The following CCDC102B variants were observed in gnomAD, a reference collection of about 807,000 sequenced individuals.
CCDC102B encodes the protein coiled-coil domain containing 102B, also known as coiled-coil domain-containing protein 102B.
A neutral mutation model predicts 57.4 loss-of-function variants in CCDC102B; 75 were observed. The ratio of observed to expected loss-of-function variants is 1.31; its 90% confidence interval spans 1.08 to 1.58. CCDC102B has a LOEUF of 1.58. CCDC102B is among the 40% of genes most tolerant of loss of function. The pLI, the probability that CCDC102B is intolerant of heterozygous loss-of-function variation, is 0.00. For missense variants in CCDC102B, 636 were observed against 582.6 expected, an observed-to-expected ratio of 1.09 and a Z score of -0.94; for synonymous variants, 206 against 201.9, an observed-to-expected ratio of 1.02 and a Z score of -0.17.
intron 1 of CCDC102B, among the ~76,000 whole-genome samples, chr18:68,819,814 C>A (rs1254176648): frequency 6.6e-6 from 1 of 151,826 alleles, no homozygotes; most frequent in Non-Finnish European, 1.5e-5. Context: ...TCCCTAGCTA[C>A]CTAATGCATA....
chr18:68,806,449 G>A (rs1223440572), intron 1 of CCDC102B, among the ~76,000 whole-genome samples: 1 of 151,938 alleles, frequency 6.6e-6, no homozygotes, highest in African/African-American at 2.4e-5. Flanking sequence ...ATTATCAGTA[G>A]AATATGTTTT....
intron 7 of CCDC102B, among the ~76,000 whole-genome samples, chr18:69,016,044 T>TTC (rs1280125411): frequency 5.9e-5 from 7 of 118,250 alleles, no homozygotes; most frequent in African/African-American, 2.2e-4. Flanking sequence ...TTTTTTTTTT[T>TTC]AGTAGAGACG....
At chr18:68,774,148 CTT>C (rs1299961940) in intron 2 of CCDC102B, among the ~76,000 whole-genome samples, 1 of 151,814 alleles carries the variant, frequency 6.6e-6, no homozygotes, top group Non-Finnish European at 1.5e-5. Context: ...CCTTTTTAAT[CTT>C]AGTATCTTTC....
chr18:68,894,961 A>G (rs950062158), intron 5 of CCDC102B, among the ~76,000 whole-genome samples: 2 of 151,934 alleles, frequency 1.3e-5, no homozygotes, highest in Non-Finnish European at 1.5e-5. Flanking sequence ...GAATACTGCA[A>G]GTTCACAAAG....
exon 1 of CCDC102B, chr18:68,715,247 C>T (rs2031867843): frequency 2.2e-6 from 3 of 1,342,082 alleles, no homozygotes; most frequent in Non-Finnish European, 2.9e-6. Context: ...TGCCCCCCTC[C>T]ACGCCCAGGA....
intron 6 of CCDC102B, among the ~76,000 whole-genome samples, chr18:68,980,788 G>T (rs2050558739): frequency 1.3e-5 from 2 of 152,002 alleles, no homozygotes; most frequent in Non-Finnish European, 2.9e-5. Context: ...AGTGAGACAG[G>T]CATGGGAGAG....
chr18:68,801,228 T>C (rs908729194), intron 1 of CCDC102B, among the ~76,000 whole-genome samples: 4 of 152,146 alleles, frequency 2.6e-5, no homozygotes, highest in African/African-American at 9.7e-5. Context: ...TAAGAATATA[T>C]TCTATAGAAG....
At position 68,930,079 on chromosome 18, in the gene CCDC102B, A is replaced by G. The variant is rs561669914; in HGVS notation, c.1263+32651A>G. ...TTTCCTAGGACTAAGTTTGATAATT[A>G]TACGCACCTTGCTGGGAAGATCTAC... On this transcript the variant is annotated intron_variant, in intron 6 of 7. Transcript: ENST00000360242. Among the ~76,000 whole-genome samples, 312 of 151,690 alleles carry G rather than the reference A, an allele frequency of 2.1e-3. 2 individuals carry two copies. Among genetic ancestry groups the G allele is most frequent in the African/African-American group, 7.3e-3 (303 of 41,474 alleles).
Position 68,791,728 on chromosome 18 carries a change from A to T in CCDC102B, c.-66-31638A>T, listed in dbSNP as rs62100038. Among the ~76,000 whole-genome samples the T allele has an allele frequency of 9.7e-3, 1,481 of 151,958 alleles. 11 individuals are homozygous for T. Among genetic ancestry groups the T allele is most frequent in the Non-Finnish European group, 0.014 (961 of 67,974 alleles). Reference sequence around the variant, plus strand: ...AGTCTAATTTCCTGACTATATATATATTTTCTCTCATATATTCATATATAT... The same window carrying T: ...AGTCTAATTTCCTGACTATATATATTTTTTCTCTCATATATTCATATATAT... On this transcript the variant is annotated intron_variant, in intron 2 of 3. Coordinates refer to the CCDC102B transcript ENST00000578970.
In CCDC102B at chr18:69,022,193, C is replaced by CTATATA. The variant is rs57226048; in HGVS notation, c.1434+11114_1434+11119dup. On this transcript the variant is annotated intron_variant, in intron 7 of 7. Coordinates refer to ENST00000360242, the MANE Select transcript of CCDC102B (RefSeq NM_024781.3). ...TTTATTAGACCCATTATCCTTTAGC[C>CTATATA]TATATATATATATATATATATATAT... Among the ~76,000 whole-genome samples the CTATATA allele has an allele frequency of 1.8e-3, 253 of 142,040 alleles. 2 individuals are homozygous for CTATATA. Among genetic ancestry groups the CTATATA allele is most frequent in the African/African-American group, 7.1e-3 (247 of 34,968 alleles). The allele number at this position is 142,040 out of a possible 152,430, so 93.2% of individuals were successfully genotyped here.
intron 6 of CCDC102B, among the ~76,000 whole-genome samples, chr18:68,953,016 G>GACACA (rs1391404991): frequency 6.6e-6 from 1 of 152,036 alleles, no homozygotes; most frequent in Non-Finnish European, 1.5e-5. Flanking sequence ...TTATGATATA[G>GACACA]ACACACAGTG....
At chr18:69,014,055 CA>C (rs1296418995) in intron 7 of CCDC102B, among the ~76,000 whole-genome samples, 1 of 152,048 alleles carries the variant, frequency 6.6e-6, no homozygotes, top group Non-Finnish European at 1.5e-5. Context: ...ATCTTCTATT[CA>C]AGGTAACTGT....
intron 6 of CCDC102B, among the ~76,000 whole-genome samples, chr18:68,977,786 T>A (rs17080013): frequency 0.047 from 7,194 of 152,032 alleles, 256 homozygotes; most frequent in East Asian, 0.12. Flanking sequence ...TCCTTGAAAT[T>A]ATGTAAAATT....
intron 7 of CCDC102B, among the ~76,000 whole-genome samples, chr18:69,044,528 C>T (rs1399093319): frequency 6.6e-6 from 1 of 152,148 alleles, no homozygotes; most frequent in Non-Finnish European, 1.5e-5. Context: ...ATGAATAACT[C>T]TGAGAAAGAC....
intron 2 of CCDC102B, among the ~76,000 whole-genome samples, chr18:68,751,645 A>G (rs2033855284): frequency 6.6e-6 from 1 of 152,190 alleles, no homozygotes. Flanking sequence ...GAACATGTCC[A>G]TCAATGACCA....
intron 4 of CCDC102B, among the ~76,000 whole-genome samples, chr18:68,850,883 G>A (rs762255199): frequency 6.6e-6 from 1 of 151,806 alleles, no homozygotes. Flanking sequence ...ATTAACCTCA[G>A]TTTATACATC....
chr18:69,047,133 C>T (rs1397319180), intron 7 of CCDC102B, among the ~76,000 whole-genome samples: 1 of 151,986 alleles, frequency 6.6e-6, no homozygotes, highest in Non-Finnish European at 1.5e-5. Flanking sequence ...CCAATATGCT[C>T]AGTGAACATA....
chr18:68,855,728 T>G (rs907571317), intron 4 of CCDC102B, among the ~76,000 whole-genome samples: 8 of 152,296 alleles, frequency 5.3e-5, no homozygotes, highest in African/African-American at 1.9e-4. Context: ...GACTTTCACT[T>G]TAGGTAGGTT....
At chr18:69,052,166 C>T (rs994703206) in intron 7 of CCDC102B, among the ~76,000 whole-genome samples, 2 of 151,240 alleles carry the variant, frequency 1.3e-5, no homozygotes, top group African/African-American at 4.9e-5. Context: ...TGGAAAAATG[C>T]CAAAATAGAG....
Sources: gnomAD v4.1 joint callset for allele counts (sites outside exome capture counted in the v4.1 genomes callset) on GRCh38, gnomAD v4.1.1 for gene constraint, MANE v1.5 for transcripts, NCBI Gene and HGNC (gene_info 2026-07-23, HGNC 2026-07-21) for gene names.